Variants in PPP5C observed in about 807,000 individuals in gnomAD.
The protein encoded by PPP5C is serine/threonine-protein phosphatase 5.
PPP5C carries 21 observed loss-of-function variants against 66.7 expected under a neutral mutation model. The observed-to-expected ratio is 0.31, with a 90% CI of 0.22 to 0.45. The LOEUF is 0.45. Ranked by LOEUF, PPP5C falls within the 20% of genes least tolerant of loss-of-function variation. The pLI is 1.00. For missense variants in PPP5C, 464 were observed against 675.9 expected (o/e 0.69, Z 3.48); for synonymous variants, 246 against 257.4 (o/e 0.96, Z 0.43).
chr19:46,386,990 G>T (rs58701793), intron 7 of PPP5C, 103 bp from the exon 8 acceptor site: 1 of 1,531,396 alleles, frequency 6.5e-7, no homozygotes, highest in Admixed American at 1.8e-5. Context: ...AGGCCCATGG[G>T]GGCAAGGGAC....
In PPP5C at chr19:46,370,628, G is replaced by A; in HGVS notation, c.364-4976G>A. On this transcript the variant is annotated intron_variant, in intron 2 of 12. Transcript: ENST00000012443. ...GTTGTGCTGAGACATTCCCATGGCTGTGCTGTCACCAGGCAATAGGACTAT... is the reference window on the plus strand; with the variant it reads ...GTTGTGCTGAGACATTCCCATGGCTATGCTGTCACCAGGCAATAGGACTAT... Among the ~76,000 whole-genome samples, 2 of 152,330 alleles carry A rather than the reference G, an allele frequency of 1.3e-5. 1 individual carries two copies. The highest frequency in any genetic ancestry group is 6.8e-3 in the Middle Eastern group (2 of 294).
chr19:46,353,311 A>G (rs990405113), intron 1 of PPP5C, among the ~76,000 whole-genome samples: 1 of 152,176 alleles, frequency 6.6e-6, no homozygotes, highest in African/African-American at 2.4e-5. Flanking sequence ...ATCAGTGTCC[A>G]GACCTCACTG....
intron 1 of PPP5C, among the ~76,000 whole-genome samples, chr19:46,350,949 C>T (rs1972173599): frequency 6.6e-6 from 1 of 152,152 alleles, no homozygotes; most frequent in Non-Finnish European, 1.5e-5. Context: ...GCTGGTTGCT[C>T]TGTAAGTTCA....
Position 46,388,794 on chromosome 19 carries a change from G to C in PPP5C, c.1355+63G>C, listed in dbSNP as rs540915304. 3.1e-4 allele frequency: 482 copies of C among 1,561,718 alleles called. 3 individuals are homozygous for C. Among genetic ancestry groups the C allele is most frequent in the Admixed American group, 7.1e-4 (38 of 53,646 alleles). On this transcript the variant is annotated intron_variant, in intron 11 of 12. Coordinates refer to ENST00000012443, the MANE Select transcript of PPP5C (RefSeq NM_006247.4). This position sits in a 1 kb window ranked among gnomAD's most constrained non-coding sequence, Gnocchi z 4.9. ...GCCACGGGTTTTTGTCTTGGTTTTT[G>C]TTTTGCCTTTTTATGATGGAACATT... is the stretch of plus-strand genomic sequence containing the variant.
chr19:46,348,439 G>T (rs1204046267), intron 1 of PPP5C, among the ~76,000 whole-genome samples: 1 of 150,772 alleles, frequency 6.6e-6, no homozygotes, highest in South Asian at 2.1e-4. Flanking sequence ...TCAGCCTCCC[G>T]AGTAGCTGGG....
Position 46,388,074 on chromosome 19 carries a change from G to T in PPP5C, c.1136-334G>T. Reference sequence around the variant, plus strand: ...ATCCTATGGCGCTTTACAGGCCCCAGTGAGGAACTTTGTTCCTAGGGCAGT... The same window carrying T: ...ATCCTATGGCGCTTTACAGGCCCCATTGAGGAACTTTGTTCCTAGGGCAGT... On this transcript the variant is annotated intron_variant, in intron 9 of 12. Coordinates refer to ENST00000012443, the MANE Select transcript of PPP5C (RefSeq NM_006247.4). The surrounding 1 kb of genome is among the most constrained non-coding windows in gnomAD (Gnocchi z 4.9). 3.0e-6 allele frequency: 1 copy of T among 331,536 alleles called. No individual in the cohort carries two copies. The highest frequency in any genetic ancestry group is 5.6e-6 in the Non-Finnish European group (1 of 178,774). The allele number at this position is 331,536 out of a possible 1,614,324, so 20.5% of individuals were successfully genotyped here. A position where few individuals can be genotyped will look rare whatever the true frequency, so the allele number is the denominator to read the frequency against.
In PPP5C at chr19:46,385,500, C is replaced by T. The variant is rs1972866936; in HGVS notation, c.904+591C>T. On this transcript the variant is annotated intron_variant, in intron 7 of 12. Coordinates refer to ENST00000012443, the MANE Select transcript of PPP5C (RefSeq NM_006247.4). ...CTCCAGTAAACATTTTTTAAAAAGG[C>T]CAGGCGCAGTGGCTCATGCCTGTAA... Among the ~76,000 whole-genome samples the T allele has an allele frequency of 2.0e-5, 3 of 152,276 alleles. No homozygotes were observed. The South Asian group carries it at 6.2e-4, about 32-fold the overall frequency.
chr19:46,387,365 G>T lies in PPP5C; in HGVS notation c.1048-1G>T. On this transcript the variant is annotated splice_acceptor_variant, in intron 8 of 12. Transcript: ENST00000012443. LOFTEE classifies it high-confidence loss of function. ...CACAGCGGCATCCCCCATCTCCCCA[G>T]ATCATGCACGGAGGCCTGTTCAGTG... The T allele has an allele frequency of 6.2e-7, 1 of 1,607,762 alleles. No individual in the cohort carries two copies. Among genetic ancestry groups the T allele is most frequent in the Non-Finnish European group, 8.5e-7 (1 of 1,174,898 alleles).
chr19:46,353,010 A>C (rs547204004), intron 1 of PPP5C, among the ~76,000 whole-genome samples: 1 of 152,238 alleles, frequency 6.6e-6, no homozygotes, highest in East Asian at 1.9e-4. Context: ...CACGGCCCCC[A>C]GTGGGGACAA....
At chr19:46,377,065 G>T (rs1477508949) in intron 4 of PPP5C, among the ~76,000 whole-genome samples, 3 of 152,186 alleles carry the variant, frequency 2.0e-5, no homozygotes, top group African/African-American at 7.2e-5. Context: ...TGACCTCTCA[G>T]GGCTACAGGG....
At chr19:46,354,765 C>G (rs543266440) in intron 2 of PPP5C, among the ~76,000 whole-genome samples, 4 of 152,158 alleles carry the variant, frequency 2.6e-5, no homozygotes, top group African/African-American at 7.2e-5. Context: ...CCACTCCACT[C>G]CAGCCTGGGC....
chr19:46,390,030 A>G, intron 11 of PPP5C, 21 bp from the exon 12 acceptor site: 2 of 1,611,046 alleles, frequency 1.2e-6, no homozygotes, highest in Non-Finnish European at 8.5e-7. Flanking sequence ...CACACTGTCC[A>G]CTCTGCTCCT....
intron 2 of PPP5C, among the ~76,000 whole-genome samples, chr19:46,370,311 T>C (rs1341639436): frequency 6.6e-6 from 1 of 152,224 alleles, no homozygotes; most frequent in African/African-American, 2.4e-5. Context: ...AAATATTTCT[T>C]TTGCTTTTTA....
intron 2 of PPP5C, among the ~76,000 whole-genome samples, chr19:46,357,787 C>G (rs1972312714): frequency 6.6e-6 from 1 of 152,218 alleles, no homozygotes; most frequent in Non-Finnish European, 1.5e-5. Flanking sequence ...GAGTGCAGAG[C>G]TTCCGCGCCC....
chr19:46,364,110 C>G (rs1254536823), intron 2 of PPP5C, among the ~76,000 whole-genome samples: 1 of 152,088 alleles, frequency 6.6e-6, no homozygotes, highest in Non-Finnish European at 1.5e-5. Flanking sequence ...TGGCAAAAAT[C>G]ATGTCAACAA....
chr19:46,369,182 AGT>A (rs772489173), intron 2 of PPP5C, among the ~76,000 whole-genome samples: 3 of 147,298 alleles, frequency 2.0e-5, no homozygotes, highest in Non-Finnish European at 2.9e-5. Flanking sequence ...AGCATCATAG[AGT>A]GTGCTTACAC....
In PPP5C at chr19:46,383,368, C is replaced by G. The variant is rs1341065210; in HGVS notation, c.634-43C>G. 1.9e-6 allele frequency: 3 copies of G among 1,594,154 alleles called. No individual in the cohort carries two copies. The highest frequency in any genetic ancestry group is 2.3e-5 in the East Asian group (1 of 43,426). On this transcript the variant is annotated intron_variant, in intron 4 of 12. Transcript: ENST00000012443. The surrounding 1 kb of genome is among the most constrained non-coding windows in gnomAD (Gnocchi z 5.0). ...AGGCTTTCGGGGCCAGGTTGGGCAG[C>G]AGCCCCTGCAGCCGGTCCCACTGAG...
chr19:46,359,418 G>A (rs932737799), intron 2 of PPP5C, among the ~76,000 whole-genome samples: 6 of 152,158 alleles, frequency 3.9e-5, no homozygotes, highest in Admixed American at 2.6e-4. Flanking sequence ...GAAAAAAAGA[G>A]CCTTTTCCAA....
At chr19:46,371,985 G>T (rs1163047855) in intron 2 of PPP5C, among the ~76,000 whole-genome samples, 1 of 152,174 alleles carries the variant, frequency 6.6e-6, no homozygotes, top group Non-Finnish European at 1.5e-5. Flanking sequence ...AAGAACAGTT[G>T]TTCTGGTAAG....
Sources: gnomAD v4.1 joint callset for allele counts (sites outside exome capture counted in the v4.1 genomes callset) on GRCh38, gnomAD v4.1.1 for gene constraint, Gnocchi (gnomAD v3.1) non-coding constraint, MANE v1.5 for transcripts, NCBI Gene and HGNC (gene_info 2026-07-23, HGNC 2026-07-21) for gene names.